Variants in SUMF1 observed in about 807,000 individuals in gnomAD.
SUMF1 encodes the protein formylglycine-generating enzyme.
In SUMF1, 48 loss-of-function variants were observed where a neutral mutation model predicts 47.6. The ratio of observed to expected loss-of-function variants is 1.01; its 90% CI spans 0.80 to 1.28. The LOEUF (loss-of-function observed/expected upper bound fraction) is 1.28, where lower values mean the gene tolerates loss of function less well. SUMF1 is among the 50% of genes most tolerant of loss of function. The pLI, the probability that SUMF1 is intolerant of heterozygous loss-of-function variation, is 0.00. For synonymous variants in SUMF1, 230 were observed against 192.1 expected, an observed-to-expected ratio of 1.20 and a Z score of -1.63; for missense variants, 571 against 485.4, an observed-to-expected ratio of 1.18 and a Z score of -1.66.
intron 7 of SUMF1, among the ~76,000 whole-genome samples, chr3:4,393,869 T>C (rs947260875): frequency 1.3e-5 from 2 of 152,096 alleles, no homozygotes; most frequent in African/African-American, 2.4e-5. Context: ...AGTTTTGTAC[T>C]TGTTTTCTGT....
chr3:4,258,695 G>T (rs1378539298), intron 8 of SUMF1, among the ~76,000 whole-genome samples: 1 of 149,320 alleles, frequency 6.7e-6, no homozygotes, highest in African/African-American at 2.5e-5. Context: ...CATTGTGGAA[G>T]TCAGTGTGGT....
intron 8 of SUMF1, among the ~76,000 whole-genome samples, chr3:4,140,114 T>C (rs1440043614): frequency 1.3e-5 from 2 of 152,014 alleles, no homozygotes; most frequent in African/African-American, 4.8e-5. Context: ...ATCCTAATTC[T>C]AGGACTTGAA....
intron 8 of SUMF1, among the ~76,000 whole-genome samples, chr3:4,207,998 T>G (rs1208025309): frequency 6.6e-6 from 1 of 152,156 alleles, no homozygotes; most frequent in African/African-American, 2.4e-5. Flanking sequence ...TACAAAACTC[T>G]CATGGTGAAT....
chr3:4,285,757 T>C (rs1435734850), intron 8 of SUMF1, among the ~76,000 whole-genome samples: 1 of 152,162 alleles, frequency 6.6e-6, no homozygotes, highest in African/African-American at 2.4e-5. Context: ...GGATGAATGA[T>C]ACTTTCAATA....
intron 9 of SUMF1, among the ~76,000 whole-genome samples, chr3:4,042,136 A>C (rs1259904444): frequency 1.3e-5 from 2 of 152,196 alleles, no homozygotes; most frequent in Non-Finnish European, 2.9e-5. Context: ...ATAAAATGGG[A>C]ATAATAAAAC....
intron 3 of SUMF1, among the ~76,000 whole-genome samples, chr3:4,427,197 G>A (rs373515847): frequency 2.5e-4 from 38 of 152,320 alleles, no homozygotes; most frequent in African/African-American, 8.7e-4. Flanking sequence ...AAGATGTCAA[G>A]TGCACAACTT....
chr3:4,393,679 A>T (rs1278340637), intron 7 of SUMF1, among the ~76,000 whole-genome samples: 1 of 151,730 alleles, frequency 6.6e-6, no homozygotes, highest in Non-Finnish European at 1.5e-5. Context: ...TTAATAATAG[A>T]GTGTGGCAGA....
At chr3:4,098,288 G>A (rs1692951256) in intron 8 of SUMF1, among the ~76,000 whole-genome samples, 1 of 152,014 alleles carries the variant, frequency 6.6e-6, no homozygotes, top group Non-Finnish European at 1.5e-5. Flanking sequence ...ATATTTAGAA[G>A]CAAGTATGTT....
At chr3:4,313,458 A>G in intron 8 of SUMF1, 1 of 1,614,016 alleles carries the variant, frequency 6.2e-7, no homozygotes, top group South Asian at 1.1e-5. Context: ...GAATTGACTC[A>G]ATGGTACCTA....
At chr3:4,213,560 C>T (rs1559572995) in intron 8 of SUMF1, among the ~76,000 whole-genome samples, 1 of 152,104 alleles carries the variant, frequency 6.6e-6, no homozygotes, top group Non-Finnish European at 1.5e-5. Context: ...TCACATATAA[C>T]AATATTAACC....
chr3:4,172,061 G>C (rs1694843658), intron 8 of SUMF1, among the ~76,000 whole-genome samples: 1 of 152,188 alleles, frequency 6.6e-6, no homozygotes, highest in African/African-American at 2.4e-5. Context: ...AGACTGGTTA[G>C]AAAGTTTCTG....
intron 7 of SUMF1, among the ~76,000 whole-genome samples, chr3:4,392,689 T>C (rs1195825383): frequency 6.6e-6 from 1 of 151,336 alleles, no homozygotes; most frequent in Admixed American, 6.6e-5. Context: ...AGAGCACATG[T>C]ATATGTAACA....
intron 9 of SUMF1, among the ~76,000 whole-genome samples, chr3:4,052,691 G>A (rs317529): frequency 0.65 from 99,214 of 152,020 alleles, 34,173 homozygotes; most frequent in East Asian, 0.99. Flanking sequence ...TCTTCTTCTC[G>A]TGATACCCTC....
At chr3:4,303,733 T>C (rs549915625) in intron 8 of SUMF1, 1 of 1,495,770 alleles carries the variant, frequency 6.7e-7, no homozygotes, top group Non-Finnish European at 9.0e-7. Flanking sequence ...GGTGTTGTCC[T>C]TTTCAGTCCA....
chr3:4,260,689 C>T (rs2125023037), intron 8 of SUMF1, among the ~76,000 whole-genome samples: 1 of 152,134 alleles, frequency 6.6e-6, no homozygotes, highest in South Asian at 2.1e-4. Context: ...GAGCTGAGAT[C>T]TCGCCACTGC....
At chr3:4,294,948 C>T (rs976257341) in intron 8 of SUMF1, among the ~76,000 whole-genome samples, 14 of 152,138 alleles carry the variant, frequency 9.2e-5, no homozygotes, top group Admixed American at 2.6e-4. Flanking sequence ...CCGTCTGCAG[C>T]GACGCTGACT....
chr3:4,269,615 C>T (rs13074934), intron 8 of SUMF1, among the ~76,000 whole-genome samples: 54,826 of 151,854 alleles, frequency 0.36, 10,762 homozygotes, highest in Non-Finnish European at 0.45. Flanking sequence ...AGACCAGAAG[C>T]GGGGGAAAGA....
chr3:4,386,892 T>G (rs532415832), intron 7 of SUMF1, among the ~76,000 whole-genome samples: 1 of 152,040 alleles, frequency 6.6e-6, no homozygotes, highest in South Asian at 2.1e-4. Flanking sequence ...TGCTTCTTAT[T>G]ATGGTAGATT....
chr3:4,424,952 T>C (rs772659315), intron 3 of SUMF1, among the ~76,000 whole-genome samples: 2 of 152,208 alleles, frequency 1.3e-5, no homozygotes, highest in Admixed American at 6.5e-5. Flanking sequence ...GTCTTATGTA[T>C]TGCAGGATGT....
Sources: gnomAD v4.1 joint callset for allele counts (sites outside exome capture counted in the v4.1 genomes callset) on GRCh38, gnomAD v4.1.1 for gene constraint, MANE v1.5 for transcripts, NCBI Gene and HGNC (gene_info 2026-07-23, HGNC 2026-07-21) for gene names.